The following DDX31 variants were observed in gnomAD, a reference collection of about 807,000 sequenced individuals.
The protein encoded by DDX31 is DEAD-box helicase 31, also known as ATP-dependent DNA helicase DDX31.
A neutral mutation model predicts 91.3 loss-of-function variants in DDX31; 70 were observed. The observed-to-expected ratio is 0.77, with a 90% CI of 0.63 to 0.94. The LOEUF (loss-of-function observed/expected upper bound fraction) is 0.94, where lower values mean the gene tolerates loss of function less well. Among genes scored for constraint, DDX31 ranks in the 40% least tolerant of loss-of-function variants. The probability of loss-of-function intolerance (pLI) is 0.00; values close to 1 mark genes in which losing one functional copy is unlikely to be tolerated. For synonymous variants in DDX31, 362 were observed against 350.6 expected (o/e 1.03, Z -0.36); for missense variants, 902 against 925.0 (o/e 0.98, Z 0.32).
rs921793290 is a variant in DDX31 at position 132,632,237 on chromosome 9, C to T, written c.1441-146G>A. 33 of 297,954 alleles carry T rather than the reference C, an allele frequency of 1.1e-4. 1 individual carries two copies. In the African/African-American group the frequency reaches 1.1e-3, roughly 10 times the overall value. The allele number at this position is 297,954 out of a possible 1,614,324, so 18.5% of individuals were successfully genotyped here. ...CGGGCATACACGTATATGCCCAGTACGTGTACACACACACACACACACACA... is the reference window on the plus strand; with the variant it reads ...CGGGCATACACGTATATGCCCAGTATGTGTACACACACACACACACACACA... On this transcript the variant is annotated intron_variant, in intron 14 of 19. Coordinates refer to ENST00000372159, the MANE Select transcript of DDX31 (RefSeq NM_022779.9).
chr9:132,611,969 T>C lies in DDX31; in HGVS notation c.1994+118A>G, dbSNP rs115033964. On this transcript the variant is annotated intron_variant, in intron 19 of 19. Transcript: ENST00000372159. ...TCTTCTCATTCCAAGTGCTTGTTTA[T>C]TGGGAGAAGGGCAGGTATGAGTGAG... The C allele has an allele frequency of 4.1e-4, 555 of 1,358,384 alleles. 2 individuals carry two copies. The African/African-American group carries it at 6.7e-3, about 16-fold the overall frequency. The allele number at this position is 1,358,384 out of a possible 1,614,324, so 84.1% of individuals were successfully genotyped here.
chr9:132,649,795 T>G (rs556298402), intron 9 of DDX31, among the ~76,000 whole-genome samples: 4 of 152,208 alleles, frequency 2.6e-5, no homozygotes, highest in Non-Finnish European at 5.9e-5. Context: ...CTGACACCCA[T>G]TACAAATCCT....
rs1833813722 is a variant in DDX31, at chr9:132,646,025, A to C, written c.1250T>G (p.Leu417Arg). 6.2e-7 allele frequency: 1 copy of C among 1,614,038 alleles called. No homozygotes were observed. Among genetic ancestry groups the C allele is most frequent in the African/African-American group, 1.3e-5 (1 of 74,920 alleles). The change falls in exon 13 of 20, where the codon CTG (leucine) becomes CGG (arginine). Residue 417 changes from leucine (L) to arginine (R), a missense_variant. Coordinates refer to ENST00000372159, the MANE Select transcript of DDX31 (RefSeq NM_022779.9). ...KMVVFFSSCE[L>R]VEFHYSLFLQ... ...GAAGAGGCTGTAGTGGAACTCCACC[A>C]GCTCGCAACTTGAGAAAAAGACAAC...
At chr9:132,613,191 G>T (rs1831445042) in intron 18 of DDX31, among the ~76,000 whole-genome samples, 1 of 152,092 alleles carries the variant, frequency 6.6e-6, no homozygotes, top group Non-Finnish European at 1.5e-5. Flanking sequence ...CCTTCCTCAT[G>T]GGATTTTAAA....
intron 1 of DDX31, 100 bp downstream of exon 1, chr9:132,669,760 G>C: frequency 6.6e-7 from 1 of 1,523,314 alleles, no homozygotes; most frequent in Non-Finnish European, 8.8e-7. Context: ...TTAACTCCGT[G>C]AATGACTCGA....
intron 17 of DDX31, among the ~76,000 whole-genome samples, chr9:132,624,294 C>G (rs1250009185): frequency 1.3e-5 from 2 of 151,780 alleles, no homozygotes; most frequent in African/African-American, 4.8e-5. Flanking sequence ...AGGTCAACAC[C>G]CCTAATAACA....
chr9:132,598,324 A>C (rs1830548717), intron 19 of DDX31, among the ~76,000 whole-genome samples: 1 of 152,244 alleles, frequency 6.6e-6, no homozygotes, highest in Admixed American at 6.5e-5. Flanking sequence ...CAGTGCTCCC[A>C]GGAACCTGCC....
intron 3 of DDX31, 91 bp downstream of exon 3, chr9:132,662,170 T>C (rs1835001042): frequency 1.6e-6 from 2 of 1,241,784 alleles, no homozygotes; most frequent in African/African-American, 1.5e-5. Context: ...CACTCTCTGA[T>C]CTCTCCTCCT....
At chr9:132,652,178 A>G (rs1416059499) in intron 7 of DDX31, among the ~76,000 whole-genome samples, 1 of 151,852 alleles carries the variant, frequency 6.6e-6, no homozygotes, top group Non-Finnish European at 1.5e-5. Context: ...GTTTTTTTTT[A>G]GCAACTTAAT....
Position 132,632,020 on chromosome 9 carries a change from C to A in DDX31, c.1491+21G>T, listed in dbSNP as rs373264211. The A allele has an allele frequency of 2.5e-6, 4 of 1,609,846 alleles. No homozygotes were observed. In the Admixed American group the frequency reaches 6.7e-5, roughly 27 times the overall value. On this transcript the variant is annotated intron_variant, in intron 15 of 19. Coordinates refer to ENST00000372159, the MANE Select transcript of DDX31 (RefSeq NM_022779.9). The stretch of plus-strand genomic sequence containing the variant: ...CATATATTCCTGCCTAAAGCTTACA[C>A]CTTAACAACTAAAAAATTACCTGAA...
chr9:132,646,882 C>G lies in DDX31; in HGVS notation c.1144G>C (p.Val382Leu), dbSNP rs1267733671. Residue 382 changes from valine (V) to leucine (L), a missense_variant, in exon 12 of 20, where the codon GTG (valine) becomes CTG (leucine). Physicochemically the swap from Val to Leu is conservative, Grantham distance 32. Transcript: ENST00000372159. ...ACAAGCCTCAGTTTGCTGGGAACCA[C>G]AGTCACATGCTGCTTGAGACTCTCT... ...IPESLKQHVT[V>L]VPSKLRLVCL... is the part of the protein sequence containing the mutation. 6 of 1,614,060 alleles carry G rather than the reference C, an allele frequency of 3.7e-6. No homozygotes were observed. The highest frequency in any genetic ancestry group is 3.3e-5 in the Admixed American group (2 of 60,004).
At position 132,638,424 on chromosome 9, in the gene DDX31, G is replaced by A; in HGVS notation, c.1440+3580C>T. Reference sequence around the variant, plus strand: ...CCAGTGTCTGATATCTGATCCCTTTGATTGCTTAATTCCACTTGGGAAAGT... The same window carrying A: ...CCAGTGTCTGATATCTGATCCCTTTAATTGCTTAATTCCACTTGGGAAAGT... On this transcript the variant is annotated intron_variant, in intron 14 of 19. Transcript: ENST00000372159. The A allele has an allele frequency of 2.5e-6, 4 of 1,611,218 alleles. No individual in the cohort carries two copies. The South Asian group carries it at 4.4e-5, about 18-fold the overall frequency.
At chr9:132,654,543 G>A (rs1834426682) in intron 6 of DDX31, among the ~76,000 whole-genome samples, 1 of 152,184 alleles carries the variant, frequency 6.6e-6, no homozygotes, top group Admixed American at 6.5e-5. Context: ...AACCCAGGAG[G>A]TGGAGGTTGC....
chr9:132,639,320 C>CCCA (rs1833338731), intron 14 of DDX31, among the ~76,000 whole-genome samples: 1 of 151,972 alleles, frequency 6.6e-6, no homozygotes, highest in Admixed American at 6.6e-5. Flanking sequence ...AGAAATGAAC[C>CCCA]CCACCCAGCT....
At chr9:132,601,864 T>G (rs1225400494) in intron 19 of DDX31, among the ~76,000 whole-genome samples, 2 of 152,172 alleles carry the variant, frequency 1.3e-5, no homozygotes, top group Non-Finnish European at 2.9e-5. Context: ...TTTCTCTAAG[T>G]CCCACGTTAT....
chr9:132,594,799 C>G lies in DDX31; in HGVS notation c.*67G>C. 2 of 1,582,034 alleles carry G rather than the reference C, an allele frequency of 1.3e-6. No homozygotes were observed. Among genetic ancestry groups the G allele is most frequent in the Non-Finnish European group, 1.7e-6 (2 of 1,164,050 alleles). On this transcript the variant is annotated 3_prime_UTR_variant, in exon 20 of 20. Transcript: ENST00000372159. ...GTTATTTTTCACAAGCCTCCTCTGA[C>G]AAGAACTGGACATCAATCCACTGCC...
intron 1 of DDX31, among the ~76,000 whole-genome samples, chr9:132,664,815 C>G (rs140713572): frequency 6.6e-5 from 10 of 152,044 alleles, no homozygotes; most frequent in Middle Eastern, 3.4e-3. Context: ...CTCTGCCACT[C>G]GGGTCTTCCT....
chr9:132,623,940 G>A (rs1564296277), intron 17 of DDX31, among the ~76,000 whole-genome samples: 1 of 152,224 alleles, frequency 6.6e-6, no homozygotes, highest in East Asian at 1.9e-4. Flanking sequence ...ACCAAGGCGG[G>A]TGAATCATGG....
intron 19 of DDX31, among the ~76,000 whole-genome samples, chr9:132,596,806 T>C (rs571943747): frequency 3.9e-5 from 6 of 152,198 alleles, no homozygotes; most frequent in African/African-American, 1.2e-4. Flanking sequence ...TCCTAAGGAC[T>C]ACTTCAGCAG....
Sources: allele counts gnomAD v4.1 joint callset (sites outside exome capture counted in the v4.1 genomes callset), GRCh38; gene constraint gnomAD v4.1.1; transcripts MANE v1.5; gene names NCBI Gene and HGNC (gene_info 2026-07-23, HGNC 2026-07-21).